RBM28: variants seen among roughly 807,000 people sequenced by gnomAD.
RBM28 encodes the protein RNA binding motif protein 28, also known as RNA-binding protein 28.
Under a neutral mutation model 98.3 loss-of-function variants are expected in RBM28, and 78 were observed. That is an observed-to-expected ratio of 0.79 (90% confidence interval 0.66 to 0.96). The LOEUF (loss-of-function observed/expected upper bound fraction) is 0.96. Among genes scored for constraint, RBM28 ranks in the 40% least tolerant of loss-of-function variants. The pLI is 0.00. For synonymous variants in RBM28, 306 were observed against 330.9 expected (o/e 0.92, Z 0.82); for missense variants, 838 against 913.0 (o/e 0.92, Z 1.06).
At chr7:128,329,888 CAAAAAAAAAAAAAAA>C (rs398006204) in intron 10 of RBM28, among the ~76,000 whole-genome samples, 11 of 101,616 alleles carry the variant, frequency 1.1e-4, no homozygotes, top group East Asian at 3.6e-4. Flanking sequence ...GACTCCGTCT[CAAAAAAAAAAAAAAA>C]AAAAAAAAAA....
At chr7:128,332,914 C>T (rs1168386742) in intron 9 of RBM28, among the ~76,000 whole-genome samples, 1 of 152,184 alleles carries the variant, frequency 6.6e-6, no homozygotes, top group African/African-American at 2.4e-5. Context: ...CTGGACACTG[C>T]ATCAGAAGAT....
Position 128,335,447 on chromosome 7 carries a change from C to T in RBM28, c.946+96G>A. 3.4e-6 allele frequency: 5 copies of T among 1,451,532 alleles called. No individual in the cohort carries two copies. In the South Asian group the frequency reaches 4.7e-5, roughly 14 times the overall value. The allele number at this position is 1,451,532 out of a possible 1,614,324, so 89.9% of individuals were successfully genotyped here. ...AAATTTGATAGAACACCTTAGAGTC[C>T]TATTTAAAAAGAGATCTAAGCAGAA... On this transcript the variant is annotated intron_variant, in intron 8 of 18. Coordinates refer to ENST00000223073, the MANE Select transcript of RBM28 (RefSeq NM_018077.3).
At chr7:128,316,430 G>T (rs1252074269) in intron 16 of RBM28, among the ~76,000 whole-genome samples, 4 of 152,226 alleles carry the variant, frequency 2.6e-5, no homozygotes, top group African/African-American at 9.6e-5. Flanking sequence ...AACAAACTAG[G>T]CTGGGCTCAG....
rs1339689144 is a variant in RBM28 at position 128,317,481 on chromosome 7, AG to A, written c.1788+177del. On this transcript the variant is annotated intron_variant, in intron 16 of 18. Transcript: ENST00000223073. Reference sequence around the variant, plus strand: ...CTTTCCCTTCTGCTGTAGAGCTATCAGACATGGGCCAGCAGATAAGAAGATG... The same window carrying A: ...CTTTCCCTTCTGCTGTAGAGCTATCAACATGGGCCAGCAGATAAGAAGATG... Among the ~76,000 whole-genome samples, 11 of 152,312 alleles carry A rather than the reference AG, an allele frequency of 7.2e-5. No homozygotes were observed. In the East Asian group the frequency reaches 1.9e-3, roughly 27 times the overall value.
intron 9 of RBM28, among the ~76,000 whole-genome samples, chr7:128,332,061 GCTT>G (rs1455887764): frequency 2.0e-5 from 3 of 152,078 alleles, no homozygotes; most frequent in Admixed American, 6.5e-5. Flanking sequence ...GAGGTCACAG[GCTT>G]CTTCTTCACT....
Position 128,324,667 on chromosome 7 carries a change from G to A in RBM28, c.1231C>T (p.Gln411Ter), listed in dbSNP as rs1279735400. The change falls in exon 12 of 19, where the codon CAG becomes TAG. Residue 411 changes from glutamine to a stop codon, truncating the protein, a stop_gained. Transcript: ENST00000223073. LOFTEE classifies it high-confidence loss of function. ...EAGGLKLDGRQLKVDLAVTRD... is the reference protein window; with the variant it reads ...EAGGLKLDGR Reference sequence around the variant, plus strand: ...GTCACCGCCAAGTCAACCTTGAGCTGCCGGCCATCCAGTTTAAGCCCACCA... The same window carrying A: ...GTCACCGCCAAGTCAACCTTGAGCTACCGGCCATCCAGTTTAAGCCCACCA... The A allele has an allele frequency of 3.7e-6, 6 of 1,614,042 alleles. No homozygotes were observed. Among genetic ancestry groups the A allele is most frequent in the Non-Finnish European group, 3.4e-6 (4 of 1,180,040 alleles).
chr7:128,316,278 T>C (rs773473433), intron 16 of RBM28, among the ~76,000 whole-genome samples: 5 of 152,218 alleles, frequency 3.3e-5, no homozygotes, highest in Non-Finnish European at 7.3e-5. Flanking sequence ...GAGGGCCTTA[T>C]ATCTTTTGAG....
rs1203145247 is a variant in RBM28 at position 128,301,995 on chromosome 7, G to A, written c.*8802C>T. 6.6e-6 allele frequency: 1 copy of A among 152,210 alleles called. No individual in the cohort carries two copies. The highest frequency in any genetic ancestry group is 2.4e-5 in the African/African-American group (1 of 41,450). The allele number at this position is 152,210 out of a possible 1,614,324, so 9.4% of individuals were successfully genotyped here. A position where few individuals can be genotyped will look rare whatever the true frequency, so the allele number is the denominator to read the frequency against. ...CTGTCACTGAAGGTCTGCAAGCAGA[G>A]GGGTAAGGGACTGTTTGCCTCCTAC... On this transcript the variant is annotated 3_prime_UTR_variant, in exon 19 of 19. Transcript: ENST00000223073.
Position 128,305,716 on chromosome 7 carries a change from G to C in RBM28, c.*5081C>G, listed in dbSNP as rs1318621846. Reference sequence around the variant, plus strand: ...GACTGGGAGTCCCTTGGGTAGCGGGGGACAGGAATGGGATTGGCTTTGGCC... The same window carrying C: ...GACTGGGAGTCCCTTGGGTAGCGGGCGACAGGAATGGGATTGGCTTTGGCC... On this transcript the variant is annotated 3_prime_UTR_variant, in exon 19 of 19. Transcript: ENST00000223073. 6.6e-6 allele frequency: 1 copy of C among 152,254 alleles called. No homozygotes were observed. The allele number at this position is 152,254 out of a possible 1,614,324, so 9.4% of individuals were successfully genotyped here. A position where few individuals can be genotyped will look rare whatever the true frequency, so the allele number is the denominator to read the frequency against.
intron 11 of RBM28, 119 bp downstream of exon 11, chr7:128,325,699 G>C: frequency 1.3e-6 from 1 of 742,276 alleles, no homozygotes; most frequent in South Asian, 1.5e-5. Flanking sequence ...CTAAATAAGT[G>C]TTAGTTTTAT....
intron 5 of RBM28, 143 bp from the exon 6 acceptor site, chr7:128,337,345 A>T (rs1188896330): frequency 1.2e-6 from 1 of 847,616 alleles, no homozygotes; most frequent in African/African-American, 1.7e-5. Flanking sequence ...CTTAAAATAA[A>T]GCTCCTAGTC....
chr7:128,336,169 CT>C, intron 6 of RBM28, 127 bp from the exon 7 acceptor site: 1 of 864,212 alleles, frequency 1.2e-6, no homozygotes, highest in Admixed American at 2.7e-5. Flanking sequence ...ATTTTTCTTA[CT>C]GCATATAACA....
intron 1 of RBM28, among the ~76,000 whole-genome samples, chr7:128,342,899 C>T (rs1796758103): frequency 6.6e-6 from 1 of 152,156 alleles, no homozygotes; most frequent in Non-Finnish European, 1.5e-5. Context: ...TCAGTCCGTC[C>T]TTCTCTGGCC....
chr7:128,315,044 T>C, intron 16 of RBM28, 24 bp from the exon 17 acceptor site: 1 of 1,614,178 alleles, frequency 6.2e-7, no homozygotes, highest in Non-Finnish European at 8.5e-7. Context: ...GAAAATGCCA[T>C]CTGGTTTCTG....
At chr7:128,310,988 C>T (rs1795971692) in intron 18 of RBM28, 57 bp from the exon 19 acceptor site, 1 of 1,560,542 alleles carries the variant, frequency 6.4e-7, no homozygotes, top group African/African-American at 1.4e-5. Context: ...TATATATCAC[C>T]TTACCCTCAG....
chr7:128,323,896 C>G (rs1368337818), intron 12 of RBM28, among the ~76,000 whole-genome samples: 1 of 152,220 alleles, frequency 6.6e-6, no homozygotes, highest in African/African-American at 2.4e-5. Flanking sequence ...AAGTATGGAA[C>G]ATAAGTACAT....
chr7:128,339,819 G>A, intron 1 of RBM28, 28 bp from the exon 2 acceptor site: 6 of 1,608,410 alleles, frequency 3.7e-6, no homozygotes, highest in Non-Finnish European at 4.3e-6. Flanking sequence ...GGAGGGAGTG[G>A]AGGGGCAGTG....
intron 11 of RBM28, among the ~76,000 whole-genome samples, chr7:128,325,547 C>T (rs1006327243): frequency 2.0e-5 from 3 of 152,148 alleles, no homozygotes; most frequent in African/African-American, 4.8e-5. Context: ...GAGGCTGACA[C>T]AGACAGCAAG....
rs906474513 is a variant in RBM28, at chr7:128,301,019, GC to G, written c.*9777del. On this transcript the variant is annotated 3_prime_UTR_variant, in exon 19 of 19. Coordinates refer to ENST00000223073, the MANE Select transcript of RBM28 (RefSeq NM_018077.3). Reference sequence around the variant, plus strand: ...GCCTGGCTCATATCCTGGTATCCCTGCAGAGGCTGGAGGTGGGGCCAGCACC... The same window carrying G: ...GCCTGGCTCATATCCTGGTATCCCTGAGAGGCTGGAGGTGGGGCCAGCACC... 6.6e-5 allele frequency: 10 copies of G among 152,554 alleles called. 1 individual carries two copies. The highest frequency in any genetic ancestry group is 2.4e-4 in the African/African-American group (10 of 41,586). 9.5% of individuals were successfully genotyped at this position (152,554 alleles called of 1,614,324 possible).
Sources: gnomAD v4.1 joint callset for allele counts (sites outside exome capture counted in the v4.1 genomes callset) on GRCh38, gnomAD v4.1.1 for gene constraint, MANE v1.5 for transcripts, NCBI Gene and HGNC (gene_info 2026-07-23, HGNC 2026-07-21) for gene names.